The following CCDC73 variants were observed in gnomAD, a reference collection of about 807,000 sequenced individuals.
CCDC73 encodes coiled-coil domain containing 73.
In CCDC73, 95 loss-of-function variants were observed where a neutral mutation model predicts 116.5. That is an observed-to-expected ratio of 0.82 (90% CI 0.69 to 0.97). CCDC73 has a LOEUF of 0.97. CCDC73 is among the 50% of genes least tolerant of loss of function. The probability of loss-of-function intolerance (pLI) is 0.00; values close to 1 mark genes in which losing one functional copy is unlikely to be tolerated. For missense variants in CCDC73, 1,066 were observed against 1,206.8 expected (o/e 0.88, Z 1.73); for synonymous variants, 398 against 401.3 (o/e 0.99, Z 0.10).
chr11:32,703,479 A>G (rs539792847), intron 3 of CCDC73, among the ~76,000 whole-genome samples: 26 of 152,298 alleles, frequency 1.7e-4, no homozygotes, highest in Non-Finnish European at 3.1e-4. Context: ...CATTGCTTCT[A>G]AAACTTTTAA....
chr11:32,702,848 T>C, intron 4 of CCDC73, 25 bp downstream of exon 4: 6 of 1,476,350 alleles, frequency 4.1e-6, no homozygotes, highest in African/African-American at 2.8e-5. Flanking sequence ...AAAATGGTAG[T>C]GTTTGTCTAT....
At chr11:32,791,976 CCACACACACACACATACACACA>C (rs1413178802) in intron 1 of CCDC73, among the ~76,000 whole-genome samples, 1 of 123,084 alleles carries the variant, frequency 8.1e-6, no homozygotes, top group Non-Finnish European at 1.7e-5. Context: ...AAAAAAAAAA[CCACACACACACACATACACACA>C]CACACACACA....
the CCDC73 span, among the ~76,000 whole-genome samples, chr11:32,826,458 A>T: frequency 6.6e-6 from 1 of 152,164 alleles, no homozygotes; most frequent in Non-Finnish European, 1.5e-5. Flanking sequence ...CCTCATGCCC[A>T]CACAGTAAAG....
intron 9 of CCDC73, among the ~76,000 whole-genome samples, chr11:32,661,271 TA>T (rs1470073908): frequency 6.6e-6 from 1 of 152,228 alleles, no homozygotes; most frequent in African/African-American, 2.4e-5. Flanking sequence ...TTTTAATTTT[TA>T]TTCATCTCTT....
At chr11:32,657,238 T>A (rs72910967) in intron 9 of CCDC73, among the ~76,000 whole-genome samples, 7,436 of 152,244 alleles carry the variant, frequency 0.049, 215 homozygotes, top group East Asian at 0.12. Context: ...CCCAAGTATA[T>A]CCTAACTCCA....
chr11:32,692,659 G>A (rs1590597379), intron 6 of CCDC73, among the ~76,000 whole-genome samples: 1 of 152,104 alleles, frequency 6.6e-6, no homozygotes, highest in Non-Finnish European at 1.5e-5. Context: ...TTCTGAGAGC[G>A]TGAATGAAAC....
chr11:32,628,527 CTG>C (rs1177036152), intron 14 of CCDC73, among the ~76,000 whole-genome samples: 1 of 152,196 alleles, frequency 6.6e-6, no homozygotes, highest in Admixed American at 6.5e-5. Flanking sequence ...TAGGTAAACT[CTG>C]AGTTCCAACA....
intron 2 of CCDC73, among the ~76,000 whole-genome samples, chr11:32,732,623 T>TA (rs945799053): frequency 6.6e-6 from 1 of 151,892 alleles, no homozygotes; most frequent in African/African-American, 2.4e-5. Context: ...TCAACATTCT[T>TA]AAAAAAAAGA....
the CCDC73 span, among the ~76,000 whole-genome samples, chr11:32,814,549 T>A: frequency 6.6e-6 from 1 of 152,206 alleles, no homozygotes; most frequent in Non-Finnish European, 1.5e-5. Flanking sequence ...TTGGCAAGGA[T>A]GTGGAGAAAT....
intron 7 of CCDC73, chr11:32,682,147 T>A (rs1024758560): frequency 1.3e-5 from 2 of 151,890 alleles, no homozygotes; most frequent in African/African-American, 4.8e-5. Context: ...ATCTGTTTGA[T>A]GAAATTTGAA....
At chr11:32,636,874 G>C (rs1855684048) in intron 13 of CCDC73, among the ~76,000 whole-genome samples, 1 of 151,484 alleles carries the variant, frequency 6.6e-6, no homozygotes, top group African/African-American at 2.4e-5. Context: ...CTAATTCTAG[G>C]AATTTTCTCT....
chr11:32,810,362 C>T, the CCDC73 span, among the ~76,000 whole-genome samples: 1 of 152,152 alleles, frequency 6.6e-6, no homozygotes, highest in South Asian at 2.1e-4. Flanking sequence ...TTGAGAGACT[C>T]TCTAACTCAT....
rs554906986 is a variant in CCDC73 at position 32,767,358 on chromosome 11, C to T, written c.-15-7100G>A. Among the ~76,000 whole-genome samples, 10 of 152,238 alleles carry T rather than the reference C, an allele frequency of 6.6e-5. No homozygotes were observed. In the East Asian group the frequency reaches 1.9e-3, roughly 29 times the overall value. ...AAGACGTAAATGTTAGACCTAAAAC[C>T]ATAAAAACTCTAGAAGAAAGCCTAG... On this transcript the variant is annotated intron_variant, in intron 1 of 17. Coordinates refer to ENST00000335185, the MANE Select transcript of CCDC73 (RefSeq NM_001008391.4).
At chr11:32,655,878 T>C (rs201843) in intron 9 of CCDC73, among the ~76,000 whole-genome samples, 110,864 of 152,018 alleles carry the variant, frequency 0.73, 41,305 homozygotes, top group African/African-American at 0.78. Flanking sequence ...AGATACCAAT[T>C]AAACACATTA....
intron 3 of CCDC73, among the ~76,000 whole-genome samples, chr11:32,716,828 G>T (rs1393761930): frequency 6.6e-6 from 1 of 152,206 alleles, no homozygotes; most frequent in Non-Finnish European, 1.5e-5. Flanking sequence ...CTACCAAAGT[G>T]CTGGGATTAC....
At chr11:32,718,177 T>TA in intron 2 of CCDC73, 30 bp from the exon 3 acceptor site, 1 of 1,482,790 alleles carries the variant, frequency 6.7e-7, no homozygotes, top group Non-Finnish European at 9.3e-7. Context: ...AAAAGTGCTA[T>TA]AAAAATAAAG....
At position 32,613,562 on chromosome 11, in the gene CCDC73, T is replaced by C; in HGVS notation, c.2756A>G (p.Gln919Arg). Residue 919 changes from glutamine (Q) to arginine (R), a missense_variant, in exon 16 of 18, where the codon CAA (glutamine) becomes CGA (arginine). Transcript: ENST00000335185. The stretch of plus-strand genomic sequence containing the variant: ...GCAAGGGGTCGAACTGCTCGCTGTT[T>C]GACTTTCAATGTGATTTACTTTTGA... ...PWSKVNHIES[Q>R]TASSSTPCIS... The C allele has an allele frequency of 6.2e-7, 1 of 1,614,162 alleles. No homozygotes were observed. Among genetic ancestry groups the C allele is most frequent in the Non-Finnish European group, 8.5e-7 (1 of 1,180,000 alleles).
rs59021149 is a variant in CCDC73 at position 32,650,140 on chromosome 11, C to T, written c.939+2983G>A. Among the ~76,000 whole-genome samples the T allele has an allele frequency of 8.1e-3, 1,232 of 152,208 alleles. 16 individuals carry two copies. The highest frequency in any genetic ancestry group is 0.027 in the African/African-American group (1,102 of 41,552). On this transcript the variant is annotated intron_variant, in intron 12 of 17. Transcript: ENST00000335185. ...TGTAGAATTCAGCAGTATGTAAGTA[C>T]TGGATTTAGAGCTCATGAAGGGGCA...
chr11:32,681,288 A>T (rs563434990), intron 7 of CCDC73: 1 of 152,158 alleles, frequency 6.6e-6, no homozygotes, highest in South Asian at 2.1e-4. Context: ...CAACATGGTC[A>T]TCTATGTAGT....
Sources: allele counts gnomAD v4.1 joint callset (sites outside exome capture counted in the v4.1 genomes callset), GRCh38; gene constraint gnomAD v4.1.1; transcripts MANE v1.5; gene names NCBI Gene and HGNC (gene_info 2026-07-23, HGNC 2026-07-21).